The following XKR4 variants were observed in gnomAD, a reference collection of about 807,000 sequenced individuals.
The protein encoded by XKR4 is XK-related protein 4.
In XKR4, 12 loss-of-function variants were observed where a neutral mutation model predicts 53.9. The ratio of observed to expected loss-of-function variants is 0.22; its 90% CI spans 0.14 to 0.36. XKR4 has a LOEUF of 0.36. XKR4 is among the 10% of genes least tolerant of loss of function. The probability of loss-of-function intolerance (pLI) is 1.00; values close to 1 mark genes in which losing one functional copy is unlikely to be tolerated. For missense variants in XKR4, 799 were observed against 859.5 expected (o/e 0.93, Z 0.88); for synonymous variants, 354 against 362.4 (o/e 0.98, Z 0.26).
intron 1 of XKR4, among the ~76,000 whole-genome samples, chr8:55,271,568 A>T (rs1818691440): frequency 1.3e-5 from 2 of 152,246 alleles, no homozygotes; most frequent in Admixed American, 6.5e-5. Flanking sequence ...TTTGGCAGAG[A>T]CTCACTTATC....
intron 2 of XKR4, among the ~76,000 whole-genome samples, chr8:55,515,628 C>T (rs987479480): frequency 6.6e-6 from 1 of 152,194 alleles, no homozygotes; most frequent in African/African-American, 2.4e-5. Flanking sequence ...TCCAAGAAGA[C>T]TAGGAGGCCT....
chr8:55,170,354 A>C (rs1817141211), intron 1 of XKR4, among the ~76,000 whole-genome samples: 2 of 152,210 alleles, frequency 1.3e-5, no homozygotes, highest in African/African-American at 4.8e-5. Context: ...TCATCATAAT[A>C]GTCCTAAAAG....
chr8:55,148,065 T>C (rs1345754777), intron 1 of XKR4, among the ~76,000 whole-genome samples: 1 of 152,190 alleles, frequency 6.6e-6, no homozygotes. Context: ...AGTGCACTGG[T>C]CCATTTTACA....
At chr8:55,365,155 C>T (rs942319699) in intron 2 of XKR4, among the ~76,000 whole-genome samples, 4 of 152,132 alleles carry the variant, frequency 2.6e-5, no homozygotes, top group African/African-American at 9.7e-5. Flanking sequence ...CCTGGGAGGA[C>T]CTTTTGGCTG....
At chr8:55,510,830 C>A (rs1388858621) in intron 2 of XKR4, among the ~76,000 whole-genome samples, 2 of 152,132 alleles carry the variant, frequency 1.3e-5, no homozygotes, top group African/African-American at 4.8e-5. Context: ...CAAGTGATGC[C>A]CTAAGAGTTG....
intron 2 of XKR4, chr8:55,452,390 A>G (rs1292374872): frequency 3.2e-6 from 2 of 627,258 alleles, no homozygotes; most frequent in South Asian, 1.7e-5. Flanking sequence ...CCCGGTACGT[A>G]GTGAGGAAGA....
intron 2 of XKR4, among the ~76,000 whole-genome samples, chr8:55,375,162 G>A (rs1003904684): frequency 6.6e-6 from 1 of 152,342 alleles, no homozygotes; most frequent in Non-Finnish European, 1.5e-5. Context: ...GTGACTTCAC[G>A]ACACTGAGCC....
At chr8:55,465,061 C>G (rs1402340283) in intron 2 of XKR4, among the ~76,000 whole-genome samples, 1 of 152,060 alleles carries the variant, frequency 6.6e-6, no homozygotes, top group African/African-American at 2.4e-5. Context: ...GCCATACTGC[C>G]CAAGGTAATT....
chr8:55,268,051 A>G (rs957707697), intron 1 of XKR4, among the ~76,000 whole-genome samples: 1 of 152,234 alleles, frequency 6.6e-6, no homozygotes, highest in Non-Finnish European at 1.5e-5. Flanking sequence ...AAAGCTGTGC[A>G]GTTGGGCTCT....
chr8:55,141,573 G>A (rs1357358616), intron 1 of XKR4, among the ~76,000 whole-genome samples: 1 of 151,854 alleles, frequency 6.6e-6, no homozygotes, highest in Non-Finnish European at 1.5e-5. Context: ...TTGGCAGTGG[G>A]GGTTGATTCT....
intron 1 of XKR4, among the ~76,000 whole-genome samples, chr8:55,249,083 C>G (rs1184582490): frequency 2.0e-5 from 3 of 152,164 alleles, no homozygotes; most frequent in Non-Finnish European, 2.9e-5. Flanking sequence ...GGCAATATCC[C>G]TGCTTTCATG....
rs138383810 is a variant in XKR4, at chr8:55,255,500, G to A, written c.807-102178G>A. Among the ~76,000 whole-genome samples, 6 of 152,080 alleles carry A rather than the reference G, an allele frequency of 3.9e-5. No individual in the cohort carries two copies. In the East Asian group the frequency reaches 7.7e-4, roughly 20 times the overall value. ...AATTTATTGTGAATTTCATGAAGGC[G>A]AAGACTGGGTCTTTTGTCTTTGGAT... On this transcript the variant is annotated intron_variant, in intron 1 of 2. Transcript: ENST00000327381.
rs1807031546 is a variant in XKR4 at position 55,536,293 on chromosome 8, T to C, written c.*12066T>C. ...CAACATAGACAAAACCACTGGACCA[T>C]TGATAGCCCTCAAGCTCTGATTCTT... On this transcript the variant is annotated 3_prime_UTR_variant, in exon 3 of 3. Transcript: ENST00000327381. 1 of 152,350 alleles carries C rather than the reference T, an allele frequency of 6.6e-6. No homozygotes were observed. The highest frequency in any genetic ancestry group is 2.1e-4 in the South Asian group (1 of 4,828). The allele number at this position is 152,350 out of a possible 1,614,324, so 9.4% of individuals were successfully genotyped here. A position where few individuals can be genotyped will look rare whatever the true frequency, so the allele number is the denominator to read the frequency against.
intron 1 of XKR4, among the ~76,000 whole-genome samples, chr8:55,346,184 C>T (rs1464030661): frequency 6.6e-6 from 1 of 151,204 alleles, no homozygotes; most frequent in African/African-American, 2.4e-5. Flanking sequence ...CTCCTGGGTT[C>T]AAGTGATTCT....
intron 1 of XKR4, among the ~76,000 whole-genome samples, chr8:55,291,629 A>AGACTG (rs1378669620): frequency 6.6e-6 from 1 of 152,170 alleles, no homozygotes; most frequent in Non-Finnish European, 1.5e-5. Flanking sequence ...GTAAGAGGTA[A>AGACTG]TAATGTTAGT....
intron 1 of XKR4, among the ~76,000 whole-genome samples, chr8:55,168,097 AT>A (rs1445848413): frequency 6.6e-6 from 1 of 152,196 alleles, no homozygotes; most frequent in African/African-American, 2.4e-5. Context: ...AAAAATAATA[AT>A]CATTGTTTAA....
At chr8:55,381,939 G>C (rs1184528491) in intron 2 of XKR4, among the ~76,000 whole-genome samples, 1 of 152,196 alleles carries the variant, frequency 6.6e-6, no homozygotes, top group Non-Finnish European at 1.5e-5. Context: ...TAAATGCCAG[G>C]ACTAAGGGGA....
intron 2 of XKR4, among the ~76,000 whole-genome samples, chr8:55,493,455 C>T (rs1876238): frequency 0.054 from 8,243 of 152,264 alleles, 605 homozygotes; most frequent in East Asian, 0.27. Flanking sequence ...CTTCTTCCCA[C>T]ATTTAATTTG....
intron 1 of XKR4, among the ~76,000 whole-genome samples, chr8:55,131,413 T>G (rs1816552502): frequency 6.6e-6 from 1 of 152,232 alleles, no homozygotes; most frequent in Non-Finnish European, 1.5e-5. Context: ...CTGAATGAAG[T>G]GGAAACATTT....
Sources: allele counts gnomAD v4.1 joint callset (sites outside exome capture counted in the v4.1 genomes callset), GRCh38; gene constraint gnomAD v4.1.1; transcripts MANE v1.5; gene names NCBI Gene and HGNC (gene_info 2026-07-23, HGNC 2026-07-21).